Variants in KCNH1 observed in about 807,000 individuals in gnomAD.
KCNH1 encodes the protein potassium voltage-gated channel subfamily H member 1.
A neutral mutation model predicts 69.2 loss-of-function variants in KCNH1; 27 were observed. The observed-to-expected ratio is 0.39, with a 90% CI of 0.29 to 0.54. KCNH1 has a LOEUF of 0.54. Among genes scored for constraint, KCNH1 ranks in the 20% least tolerant of loss-of-function variants. KCNH1 has a pLI of 0.68. For synonymous variants in KCNH1, 456 were observed against 487.7 expected (o/e 0.93, Z 0.86); for missense variants, 798 against 1,261.6 (o/e 0.63, Z 5.57).
intron 10 of KCNH1, among the ~76,000 whole-genome samples, chr1:210,697,180 G>A (rs1354248906): frequency 6.6e-6 from 1 of 152,186 alleles, no homozygotes; most frequent in Admixed American, 6.5e-5. Context: ...AAGGGCCCTG[G>A]GAAGGGAAAA....
chr1:210,783,307 T>C (rs1270576422), intron 9 of KCNH1, among the ~76,000 whole-genome samples: 1 of 152,188 alleles, frequency 6.6e-6, no homozygotes, highest in African/African-American at 2.4e-5. Flanking sequence ...GACACCTGCC[T>C]TGGGTGGGCA....
intron 10 of KCNH1, among the ~76,000 whole-genome samples, chr1:210,737,411 C>T (rs1326032628): frequency 2.6e-5 from 4 of 152,148 alleles, no homozygotes; most frequent in Non-Finnish European, 4.4e-5. Context: ...AAACTTTTGT[C>T]CTTCAATCAA....
chr1:211,133,910 G>C lies in KCNH1; in HGVS notation c.36C>G (p.Ala12=). The change falls in exon 1 of 11, where the codon GCC becomes GCG. Residue 12 remains alanine, a synonymous_variant. Coordinates refer to ENST00000271751, the MANE Select transcript of KCNH1 (RefSeq NM_172362.3). The surrounding 1 kb of genome is among the most constrained non-coding windows in gnomAD (Gnocchi z 5.4). The stretch of plus-strand genomic sequence containing the variant: ...TATTCTCCAGAAACGTGTTTTGAGG[G>C]GCCACTAGTCCCCTCCTGCCCCCAG... ...TMAGGRRGLV[A]PQNTFLENIV... 3 of 1,611,550 alleles carry C rather than the reference G, an allele frequency of 1.9e-6. No individual in the cohort carries two copies. Among genetic ancestry groups the C allele is most frequent in the African/African-American group, 1.3e-5 (1 of 74,834 alleles).
chr1:210,913,342 G>C (rs767507959), intron 7 of KCNH1, among the ~76,000 whole-genome samples: 8 of 151,840 alleles, frequency 5.3e-5, no homozygotes, highest in Admixed American at 2.0e-4. Context: ...CCCGAGAAGG[G>C]AGTAGCAATT....
At chr1:210,841,147 C>A (rs946546614) in intron 7 of KCNH1, among the ~76,000 whole-genome samples, 1 of 152,182 alleles carries the variant, frequency 6.6e-6, no homozygotes, top group Non-Finnish European at 1.5e-5. Context: ...CTGTTAAATA[C>A]CCTTTAACTA....
intron 6 of KCNH1, among the ~76,000 whole-genome samples, chr1:210,927,992 T>G (rs1308643335): frequency 6.6e-6 from 1 of 152,152 alleles, no homozygotes; most frequent in Admixed American, 6.5e-5. Context: ...ATAAAAGGCC[T>G]TGTCCAACAG....
intron 5 of KCNH1, among the ~76,000 whole-genome samples, chr1:211,046,129 A>C (rs759547895): frequency 6.6e-6 from 1 of 152,168 alleles, no homozygotes; most frequent in Non-Finnish European, 1.5e-5. Context: ...CTATCAATAG[A>C]TATTTAGGTT....
intron 5 of KCNH1, among the ~76,000 whole-genome samples, chr1:211,081,938 C>T (rs910519727): frequency 6.6e-6 from 1 of 151,898 alleles, no homozygotes; most frequent in Admixed American, 6.6e-5. Context: ...GCACTTTGTG[C>T]ACATGTACCC....
chr1:210,937,488 T>C (rs913659263), intron 6 of KCNH1, among the ~76,000 whole-genome samples: 5 of 152,198 alleles, frequency 3.3e-5, no homozygotes, highest in African/African-American at 1.2e-4. Flanking sequence ...TAGTACCTAA[T>C]GGAGGAACTA....
Position 210,994,311 on chromosome 1 carries a change from C to T in KCNH1, c.1032+24472G>A, listed in dbSNP as rs181302929. Among the ~76,000 whole-genome samples the T allele has an allele frequency of 2.5e-3, 377 of 152,266 alleles. 1 individual carries two copies. Among genetic ancestry groups the T allele is most frequent in the Non-Finnish European group, 4.2e-3 (284 of 68,018 alleles). On this transcript the variant is annotated intron_variant, in intron 6 of 10. Transcript: ENST00000271751. ...TCCTCATTCCATCAATATCTGAATG[C>T]CTATTGTGTGCCAGCAACTGTGCTA...
chr1:211,084,415 G>A (rs1690915287), intron 4 of KCNH1, among the ~76,000 whole-genome samples: 1 of 152,154 alleles, frequency 6.6e-6, no homozygotes, highest in South Asian at 2.1e-4. Context: ...TCTATATACT[G>A]TGAGAACAGT....
At chr1:210,964,395 C>T (rs1173268939) in intron 6 of KCNH1, among the ~76,000 whole-genome samples, 1 of 152,044 alleles carries the variant, frequency 6.6e-6, no homozygotes. Flanking sequence ...GGCAGAAAAA[C>T]TAGCTAACAA....
chr1:210,891,451 A>C (rs1467916993), intron 7 of KCNH1, among the ~76,000 whole-genome samples: 1 of 152,076 alleles, frequency 6.6e-6, no homozygotes, highest in African/African-American at 2.4e-5. Flanking sequence ...ATGATGAGTT[A>C]ATGGGTGCAG....
intron 3 of KCNH1, among the ~76,000 whole-genome samples, chr1:211,092,255 T>A (rs1691065870): frequency 6.6e-6 from 1 of 152,202 alleles, no homozygotes; most frequent in African/African-American, 2.4e-5. Flanking sequence ...CATCAAACTC[T>A]GTACTAAACA....
At chr1:210,796,883 A>G (rs1271300567) in intron 9 of KCNH1, among the ~76,000 whole-genome samples, 1 of 151,906 alleles carries the variant, frequency 6.6e-6, no homozygotes, top group Non-Finnish European at 1.5e-5. Context: ...AAATCTCATC[A>G]TGCCTCTCCC....
chr1:210,940,373 G>A (rs1463436627), intron 6 of KCNH1, among the ~76,000 whole-genome samples: 5 of 152,178 alleles, frequency 3.3e-5, no homozygotes, highest in African/African-American at 1.2e-4. Flanking sequence ...GACTGAATTA[G>A]CACAAGACCT....
chr1:211,126,000 C>T (rs962148787), intron 1 of KCNH1, among the ~76,000 whole-genome samples: 1 of 152,172 alleles, frequency 6.6e-6, no homozygotes, highest in African/African-American at 2.4e-5. Context: ...AGGAGTGTTT[C>T]ACTGTTAGAG....
At chr1:210,720,213 A>G (rs1033280075) in intron 10 of KCNH1, among the ~76,000 whole-genome samples, 1 of 152,204 alleles carries the variant, frequency 6.6e-6, no homozygotes, top group Non-Finnish European at 1.5e-5. Context: ...TCAAATTAAT[A>G]TGATCATCCA....
chr1:210,906,373 G>A (rs1313704507), intron 7 of KCNH1, among the ~76,000 whole-genome samples: 1 of 152,150 alleles, frequency 6.6e-6, no homozygotes, highest in Non-Finnish European at 1.5e-5. Flanking sequence ...AGATATCACA[G>A]TTCAACACCA....
Sources: allele counts gnomAD v4.1 joint callset (sites outside exome capture counted in the v4.1 genomes callset), GRCh38; gene constraint gnomAD v4.1.1; non-coding constraint Gnocchi (gnomAD v3.1); transcripts MANE v1.5; gene names NCBI Gene and HGNC (gene_info 2026-07-23, HGNC 2026-07-21).